The following ZBTB40 variants were observed in gnomAD, a reference collection of about 807,000 sequenced individuals.
The protein encoded by ZBTB40 is zinc finger and BTB domain containing 40, also known as zinc finger and BTB domain-containing protein 40.
Under a neutral mutation model 117.5 loss-of-function variants are expected in ZBTB40, and 60 were observed. The ratio of observed to expected loss-of-function variants is 0.51; its 90% CI spans 0.41 to 0.63. ZBTB40 has a LOEUF of 0.63. Among genes scored for constraint, ZBTB40 ranks in the 30% least tolerant of loss-of-function variants. The pLI is 0.00. For synonymous variants in ZBTB40, 525 were observed against 577.1 expected (o/e 0.91, Z 1.29); for missense variants, 1,287 against 1,498.5 (o/e 0.86, Z 2.33).
At chr1:22,508,980 A>T (rs1187391241) in intron 8 of ZBTB40, 120 bp from the exon 9 acceptor site, 1 of 1,527,184 alleles carries the variant, frequency 6.5e-7, no homozygotes, top group South Asian at 1.1e-5. Flanking sequence ...CCCACTGCCA[A>T]CCTCAGATAG....
intron 8 of ZBTB40, among the ~76,000 whole-genome samples, 169 bp downstream of exon 8, chr1:22,508,900 A>C (rs946087207): frequency 2.0e-5 from 3 of 152,240 alleles, no homozygotes; most frequent in Non-Finnish European, 4.4e-5. Context: ...CTTTTAAAAA[A>C]TAGATCCAGT....
chr1:22,517,023 G>A (rs1054364649), intron 12 of ZBTB40, among the ~76,000 whole-genome samples: 3 of 152,094 alleles, frequency 2.0e-5, no homozygotes, highest in Non-Finnish European at 2.9e-5. Context: ...CCATACTTGT[G>A]GTGGCTGATG....
rs764049882 is a variant in ZBTB40, at chr1:22,530,434, C to T, written c.*4038C>T. On this transcript the variant is annotated 3_prime_UTR_variant, in exon 18 of 18. Coordinates refer to ENST00000375647, the MANE Select transcript of ZBTB40 (RefSeq NM_014870.4). ...TTAGAAGCTTGCTACTCCTACGACT[C>T]GGCCTATAAGGAAGAGAGAAGCTGT... The T allele has an allele frequency of 2.0e-5, 3 of 152,222 alleles. No homozygotes were observed. The highest frequency in any genetic ancestry group is 4.1e-4 in the South Asian group (2 of 4,826). 9.4% of individuals were successfully genotyped at this position (152,222 alleles called of 1,614,324 possible). A position where few individuals can be genotyped will look rare whatever the true frequency, so the allele number is the denominator to read the frequency against.
intron 1 of ZBTB40, among the ~76,000 whole-genome samples, chr1:22,477,342 T>C (rs1641574491): frequency 1.3e-5 from 2 of 152,278 alleles, no homozygotes; most frequent in South Asian, 2.1e-4. Flanking sequence ...CTAGGCACTG[T>C]TTTAAGTGTG....
At chr1:22,449,165 C>G (rs954445009), upstream of ZBTB40, among the ~76,000 whole-genome samples, 6 of 152,090 alleles carry the variant, frequency 3.9e-5, no homozygotes, top group South Asian at 2.1e-4. Flanking sequence ...CCTCAGTGTT[C>G]TTGGCATATA....
intron 1 of ZBTB40, among the ~76,000 whole-genome samples, chr1:22,484,136 T>C (rs1015422738): frequency 6.6e-6 from 1 of 152,218 alleles, no homozygotes; most frequent in Non-Finnish European, 1.5e-5. Flanking sequence ...AATACCACAT[T>C]GTCTTCATTA....
At chr1:22,495,994 G>A (rs1638763956) in intron 3 of ZBTB40, among the ~76,000 whole-genome samples, 1 of 152,166 alleles carries the variant, frequency 6.6e-6, no homozygotes, top group Admixed American at 6.5e-5. Flanking sequence ...CGCTGGCACT[G>A]GCATTTTCCA....
At chr1:22,452,472 T>C (rs942406565) in intron 1 of ZBTB40, among the ~76,000 whole-genome samples, 1 of 152,356 alleles carries the variant, frequency 6.6e-6, no homozygotes, top group East Asian at 1.9e-4. Context: ...TCATGTAATT[T>C]GCGAAAGTTC....
chr1:22,507,630 G>A (rs1639105703), intron 6 of ZBTB40, among the ~76,000 whole-genome samples: 1 of 152,090 alleles, frequency 6.6e-6, no homozygotes, highest in Non-Finnish European at 1.5e-5. Context: ...GCCTTGATTC[G>A]TGCTCGTCTT....
At chr1:22,465,781 G>C (rs758482519) in intron 1 of ZBTB40, among the ~76,000 whole-genome samples, 1 of 152,110 alleles carries the variant, frequency 6.6e-6, no homozygotes, top group Non-Finnish European at 1.5e-5. Context: ...TGCCCCATGG[G>C]GGGCAGGGCT....
At chr1:22,486,878 G>A (rs1053035866) in intron 1 of ZBTB40, among the ~76,000 whole-genome samples, 2 of 152,096 alleles carry the variant, frequency 1.3e-5, no homozygotes, top group African/African-American at 4.8e-5. Context: ...GGGGTTCCAG[G>A]TGCCCGCCAC....
chr1:22,509,254 G>T (rs574118956), intron 9 of ZBTB40, 21 bp downstream of exon 9: 3 of 1,613,890 alleles, frequency 1.9e-6, no homozygotes, highest in Non-Finnish European at 2.5e-6. Context: ...AATAAAAAGC[G>T]AAATGCCAGA....
intron 1 of ZBTB40, among the ~76,000 whole-genome samples, chr1:22,453,529 GCAT>G (rs938456171): frequency 7.9e-5 from 12 of 152,256 alleles, no homozygotes; most frequent in South Asian, 2.1e-4. Context: ...AGCTGTAATA[GCAT>G]CATCATAATA....
chr1:22,433,437 A>AAAAAAAAAAAAAAAAAAAAAAAAAAAAAT (rs1640625203), intron 1 of ZBTB40, among the ~76,000 whole-genome samples: 1 of 131,006 alleles, frequency 7.6e-6, no homozygotes, highest in Non-Finnish European at 1.6e-5. Context: ...CCTCTCAAAA[A>AAAAAAAAAAAAAAAAAAAAAAAAAAAAAT]AAAAAAAAAA....
rs187346255 is a variant in ZBTB40, at chr1:22,502,415, G to A, written c.1141G>A (p.Glu381Lys). ...IMESLETAKE[E>K]FLTGTEKRVI... Reference sequence around the variant, plus strand: ...GGAGTCCCTGGAAACAGCCAAGGAGGAATTCCTGACTGGCACTGAAAAAAG... The same window carrying A: ...GGAGTCCCTGGAAACAGCCAAGGAGAAATTCCTGACTGGCACTGAAAAAAG... The change falls in exon 5 of 18, where the codon GAA (glutamate) becomes AAA (lysine). Residue 381 changes from glutamate (E) to lysine (K), a missense_variant. Around this residue, in one of 2 missense-constraint regions of ZBTB40, gnomAD observed 870 missense variants for 934.4 expected, o/e 0.93. Coordinates refer to ENST00000375647, the MANE Select transcript of ZBTB40 (RefSeq NM_014870.4). 100 of 1,614,080 alleles carry A rather than the reference G, an allele frequency of 6.2e-5. No individual in the cohort carries two copies. The East Asian group carries it at 2.2e-3, about 36-fold the overall frequency.
intron 3 of ZBTB40, among the ~76,000 whole-genome samples, chr1:22,499,694 A>G (rs72651312): frequency 0.11 from 16,640 of 152,250 alleles, 1,003 homozygotes; most frequent in Admixed American, 0.17. Context: ...AACACAGGAA[A>G]CTTTTAAAGT....
At chr1:22,434,534 T>C (rs537225716) in intron 1 of ZBTB40, among the ~76,000 whole-genome samples, 50 of 152,356 alleles carry the variant, frequency 3.3e-4, no homozygotes, top group African/African-American at 1.2e-3. Flanking sequence ...GCCCATTTTT[T>C]CCTGGTACTT....
intron 1 of ZBTB40, among the ~76,000 whole-genome samples, chr1:22,464,904 A>T (rs1641217302): frequency 6.6e-6 from 1 of 152,082 alleles, no homozygotes; most frequent in Admixed American, 6.6e-5. Context: ...ATACCATAGA[A>T]TTTACCATTT....
chr1:22,520,211 G>A lies in ZBTB40; in HGVS notation c.2984G>A (p.Arg995Gln), dbSNP rs147300887. ...KIFSAPSMLE[R>Q]HVVTHVGGKP... ...TTCAGTGCCCCGTCCATGCTGGAGC[G>A]GCACGTGGTGACCCACGTTGGAGGG... The change falls in exon 14 of 18, where the codon CGG becomes CAG. Residue 995 changes from arginine (R) to glutamine (Q), a missense_variant. By Grantham distance (43) the Arg-to-Gln change is conservative. Around this residue, in one of 2 missense-constraint regions of ZBTB40, gnomAD observed 417 missense variants for 564.1 expected, o/e 0.74. Transcript: ENST00000375647. 1.7e-5 allele frequency: 28 copies of A among 1,613,894 alleles called. No homozygotes were observed. The highest frequency in any genetic ancestry group is 2.4e-5 in the Non-Finnish European group (28 of 1,179,986).
Sources: gnomAD v4.1 joint callset for allele counts (sites outside exome capture counted in the v4.1 genomes callset) on GRCh38, gnomAD v4.1.1 for gene constraint, gnomAD v4.1.1 regional missense constraint, MANE v1.5 for transcripts, NCBI Gene and HGNC (gene_info 2026-07-23, HGNC 2026-07-21) for gene names.